The following IGSF11 variants were observed in gnomAD, a reference collection of about 807,000 sequenced individuals.
IGSF11 encodes the protein CXADR like 1.
In IGSF11, 22 loss-of-function variants were observed where a neutral mutation model predicts 41.0. That is an observed-to-expected ratio of 0.54 (90% confidence interval 0.38 to 0.77). IGSF11 has a LOEUF of 0.77. IGSF11 is among the 30% of genes least tolerant of loss of function. The pLI, the probability that IGSF11 is intolerant of heterozygous loss-of-function variation, is 0.00. For missense variants in IGSF11, 444 were observed against 530.8 expected (o/e 0.84, Z 1.61); for synonymous variants, 219 against 201.3 (o/e 1.09, Z -0.74).
intron 1 of IGSF11, among the ~76,000 whole-genome samples, chr3:119,016,329 C>T (rs1173590701): frequency 1.3e-5 from 2 of 152,074 alleles, no homozygotes; most frequent in Non-Finnish European, 2.9e-5. Flanking sequence ...AGAAATATGT[C>T]GATTCCAGCA....
In IGSF11 at chr3:118,904,805, AATATATTTAAG is replaced by A; in HGVS notation, c.704-18_704-8del. On this transcript the variant is annotated splice_polypyrimidine_tract_variant and splice_region_variant and intron_variant, in intron 5 of 6. Coordinates refer to ENST00000393775, the MANE Select transcript of IGSF11 (RefSeq NM_001015887.3). The stretch of plus-strand genomic sequence containing the variant: ...CCAATGTTCCTGGGCTGGGCTGCAA[AATATATTTAAG>A]ATATATTTAAAGAAAAGAGAAAGAG... The A allele has an allele frequency of 6.3e-7, 1 of 1,587,948 alleles. No homozygotes were observed. Among genetic ancestry groups the A allele is most frequent in the Non-Finnish European group, 8.5e-7 (1 of 1,171,780 alleles).
chr3:119,085,195 G>T (rs1026703779), intron 1 of IGSF11, among the ~76,000 whole-genome samples: 11 of 152,204 alleles, frequency 7.2e-5, no homozygotes, highest in African/African-American at 2.7e-4. Context: ...GCAAATGTGA[G>T]GATACACAAA....
intron 1 of IGSF11, among the ~76,000 whole-genome samples, chr3:119,100,539 A>T (rs566073547): frequency 6.6e-6 from 1 of 152,252 alleles, no homozygotes. Context: ...GACAAAATTG[A>T]TCTACTATTC....
chr3:118,958,975 T>G (rs1468442589), intron 1 of IGSF11, among the ~76,000 whole-genome samples: 1 of 152,192 alleles, frequency 6.6e-6, no homozygotes, highest in East Asian at 1.9e-4. Context: ...AGACTCCCCC[T>G]ATTTCCTTCT....
chr3:118,900,825 T>C lies in IGSF11; in HGVS notation c.*1695A>G, dbSNP rs538274170. ...AAGAACCATCAAATGGAAAAAAAAA[T>C]AAGTAATGCTAAAGTAAATTCAGCT... On this transcript the variant is annotated 3_prime_UTR_variant, in exon 7 of 7. Coordinates refer to ENST00000393775, the MANE Select transcript of IGSF11 (RefSeq NM_001015887.3). 1 of 152,434 alleles carries C rather than the reference T, an allele frequency of 6.6e-6. No individual in the cohort carries two copies. The highest frequency in any genetic ancestry group is 2.4e-5 in the African/African-American group (1 of 41,376). 9.4% of individuals were successfully genotyped at this position (152,434 alleles called of 1,614,324 possible). A position where few individuals can be genotyped will look rare whatever the true frequency, so the allele number is the denominator to read the frequency against.
upstream of IGSF11, among the ~76,000 whole-genome samples, chr3:119,107,792 A>G (rs1364938680): frequency 8.5e-5 from 13 of 152,080 alleles, no homozygotes; most frequent in Admixed American, 5.9e-4. Flanking sequence ...ATCCAGTTTC[A>G]GCTTTCTACA....
At chr3:119,143,409 G>A (rs995616881) in intron 1 of IGSF11, among the ~76,000 whole-genome samples, 40 of 152,222 alleles carry the variant, frequency 2.6e-4, no homozygotes, top group African/African-American at 9.4e-4. Flanking sequence ...AAAATAGGTT[G>A]TTATAAGTTT....
intron 1 of IGSF11, among the ~76,000 whole-genome samples, chr3:118,970,741 A>G (rs900843631): frequency 7.0e-6 from 1 of 142,422 alleles, no homozygotes; most frequent in Non-Finnish European, 1.5e-5. Context: ...AAACAGCTAC[A>G]CAGTTTTACA....
At chr3:118,967,987 G>C (rs180770986) in intron 1 of IGSF11, among the ~76,000 whole-genome samples, 97 of 152,232 alleles carry the variant, frequency 6.4e-4, no homozygotes, top group African/African-American at 2.3e-3. Flanking sequence ...AAGAGAGAGA[G>C]AGAGAGAATT....
chr3:119,028,378 G>C (rs926108615), intron 1 of IGSF11, among the ~76,000 whole-genome samples: 5 of 152,140 alleles, frequency 3.3e-5, no homozygotes, highest in Admixed American at 2.6e-4. Context: ...CCAGTACTTT[G>C]TATATAGTAA....
intron 1 of IGSF11, among the ~76,000 whole-genome samples, chr3:119,111,050 A>G (rs995229087): frequency 4.6e-5 from 7 of 151,844 alleles, no homozygotes; most frequent in African/African-American, 1.7e-4. Context: ...AACTTTGGTG[A>G]ATCTGACAAT....
intron 1 of IGSF11, among the ~76,000 whole-genome samples, chr3:118,974,501 T>G (rs2107623727): frequency 6.6e-6 from 1 of 152,324 alleles, no homozygotes. Flanking sequence ...TTCCAGGATT[T>G]GGAATGGCAT....
At chr3:119,099,653 C>T (rs2107504263) in intron 1 of IGSF11, among the ~76,000 whole-genome samples, 1 of 152,250 alleles carries the variant, frequency 6.6e-6, no homozygotes, top group East Asian at 1.9e-4. Flanking sequence ...GCTGCAGTGG[C>T]AAGTGTATTC....
chr3:119,051,008 AG>A (rs1179994239), intron 1 of IGSF11, among the ~76,000 whole-genome samples: 5 of 30,418 alleles, frequency 1.6e-4, no homozygotes, highest in Non-Finnish European at 3.1e-4. Flanking sequence ...GGTTGGGGGG[AG>A]GGGGGAGGGA....
chr3:118,920,771 A>AT (rs1430593596), intron 4 of IGSF11, among the ~76,000 whole-genome samples: 1 of 152,216 alleles, frequency 6.6e-6, no homozygotes, highest in Non-Finnish European at 1.5e-5. Context: ...ATTTCTCATA[A>AT]TAACATAGCT....
At chr3:119,054,957 C>G (rs113900997) in intron 1 of IGSF11, among the ~76,000 whole-genome samples, 1 of 152,078 alleles carries the variant, frequency 6.6e-6, no homozygotes, top group African/African-American at 2.4e-5. Context: ...CCTCACACGG[C>G]CAGGTACTCC....
chr3:119,074,055 C>T (rs747723267), intron 1 of IGSF11, among the ~76,000 whole-genome samples: 1 of 152,206 alleles, frequency 6.6e-6, no homozygotes, highest in Non-Finnish European at 1.5e-5. Context: ...TAGATAACCA[C>T]ACAGTAATAG....
intron 1 of IGSF11, among the ~76,000 whole-genome samples, chr3:118,937,383 T>C (rs4687960): frequency 0.088 from 13,369 of 152,258 alleles, 647 homozygotes; most frequent in East Asian, 0.13. Flanking sequence ...ATACCACAAT[T>C]CTCTAGTGTT....
Position 119,011,293 on chromosome 3 carries a change from C to G in IGSF11, c.52+23238G>C, listed in dbSNP as rs1009253441. Among the ~76,000 whole-genome samples, 5 of 152,184 alleles carry G rather than the reference C, an allele frequency of 3.3e-5. 1 individual carries two copies. The highest frequency in any genetic ancestry group is 1.9e-4 in the East Asian group (1 of 5,190). On this transcript the variant is annotated intron_variant, in intron 1 of 6. Transcript: ENST00000393775. The stretch of plus-strand genomic sequence containing the variant: ...ACATCTAAATGGCCTGTAGAACCAA[C>G]AGAAGGAACTCAGAAACCAGAGCCC...
Sources: allele counts gnomAD v4.1 joint callset (sites outside exome capture counted in the v4.1 genomes callset), GRCh38; gene constraint gnomAD v4.1.1; transcripts MANE v1.5; gene names NCBI Gene and HGNC (gene_info 2026-07-23, HGNC 2026-07-21).